Variants in OXCT1 observed in about 807,000 individuals in gnomAD.
The protein encoded by OXCT1 is succinyl-CoA:3-ketoacid coenzyme A transferase 1, mitochondrial.
A neutral mutation model predicts 69.6 loss-of-function variants in OXCT1; 27 were observed. The observed-to-expected ratio is 0.39, with a 90% CI of 0.29 to 0.54. OXCT1 has a LOEUF of 0.54. Ranked by LOEUF, OXCT1 falls within the 20% of genes least tolerant of loss-of-function variation. The pLI is 0.72. For missense variants in OXCT1, 437 were observed against 650.2 expected, an observed-to-expected ratio of 0.67 and a Z score of 3.57; for synonymous variants, 202 against 217.8, an observed-to-expected ratio of 0.93 and a Z score of 0.64.
intron 8 of OXCT1, among the ~76,000 whole-genome samples, chr5:41,806,394 G>A (rs528901455): frequency 6.6e-6 from 1 of 152,000 alleles, no homozygotes; most frequent in Non-Finnish European, 1.5e-5. Flanking sequence ...TTCTGGTAGG[G>A]TGGCCATTGT....
intron 14 of OXCT1, among the ~76,000 whole-genome samples, chr5:41,757,922 T>C (rs1343257185): frequency 2.6e-5 from 4 of 152,110 alleles, no homozygotes; most frequent in Non-Finnish European, 5.9e-5. Context: ...GTGTTGACTA[T>C]GTTTACAGAT....
At chr5:41,837,184 G>T (rs1748405975) in intron 7 of OXCT1, among the ~76,000 whole-genome samples, 1 of 151,934 alleles carries the variant, frequency 6.6e-6, no homozygotes, top group South Asian at 2.1e-4. Context: ...GAGAAGAAAG[G>T]TTGAGAAGAT....
intron 14 of OXCT1, among the ~76,000 whole-genome samples, chr5:41,755,651 T>A (rs1744033679): frequency 6.6e-6 from 1 of 152,136 alleles, no homozygotes; most frequent in Non-Finnish European, 1.5e-5. Flanking sequence ...AAACTCCATT[T>A]ACCTTTTATA....
chr5:41,801,383 T>C (rs1051170300), intron 10 of OXCT1, among the ~76,000 whole-genome samples: 2 of 152,140 alleles, frequency 1.3e-5, no homozygotes, highest in African/African-American at 2.4e-5. Context: ...TGAAAATGTA[T>C]TAGAAATATA....
chr5:41,806,446 A>T lies in OXCT1; in HGVS notation c.841-765T>A, dbSNP rs143322585. On this transcript the variant is annotated intron_variant, in intron 8 of 16. Coordinates refer to ENST00000196371, the MANE Select transcript of OXCT1 (RefSeq NM_000436.4). ...ATGATTTAGATATGTGTCCCCTCCAAATCTCAGGTTGAAATGTACTTTCCA... is the reference window on the plus strand; with the variant it reads ...ATGATTTAGATATGTGTCCCCTCCATATCTCAGGTTGAAATGTACTTTCCA... Among the ~76,000 whole-genome samples the T allele has an allele frequency of 5.5e-3, 837 of 152,056 alleles. 8 individuals carry two copies. The highest frequency in any genetic ancestry group is 0.019 in the South Asian group (94 of 4,828).
chr5:41,841,219 C>G (rs1373860014), intron 6 of OXCT1, among the ~76,000 whole-genome samples: 1 of 152,124 alleles, frequency 6.6e-6, no homozygotes, highest in East Asian at 1.9e-4. Flanking sequence ...ACGTTGATGG[C>G]AGAATTTCTT....
At chr5:41,756,138 A>G (rs1007190858) in intron 14 of OXCT1, among the ~76,000 whole-genome samples, 2 of 152,110 alleles carry the variant, frequency 1.3e-5, no homozygotes, top group African/African-American at 2.4e-5. Flanking sequence ...TTCAGAATCC[A>G]GACCTCCTAT....
At chr5:41,826,498 C>A (rs1747813308) in intron 7 of OXCT1, among the ~76,000 whole-genome samples, 1 of 152,122 alleles carries the variant, frequency 6.6e-6, no homozygotes, top group Non-Finnish European at 1.5e-5. Context: ...CACTGGAATG[C>A]TCTATCCCAC....
chr5:41,834,697 A>T (rs1327099426), intron 7 of OXCT1, among the ~76,000 whole-genome samples: 1 of 152,184 alleles, frequency 6.6e-6, no homozygotes, highest in Non-Finnish European at 1.5e-5. Flanking sequence ...ATTAGAGCTA[A>T]AGAGAGACAG....
In OXCT1 at chr5:41,861,339, G is replaced by GT; in HGVS notation, c.252dup (p.Leu85ThrfsTer11). The GT allele has an allele frequency of 6.2e-7, 1 of 1,610,174 alleles. No individual in the cohort carries two copies. Among genetic ancestry groups the GT allele is most frequent in the South Asian group, 1.1e-5 (1 of 91,026 alleles). ...CCTGCATTGTTGCTGACTGCAGTTAGTCCTTTTACTCCAGTTTTCAGTAAA... is the reference window on the plus strand; with the variant it reads ...CCTGCATTGTTGCTGACTGCAGTTAGTTCCTTTTACTCCAGTTTTCAGTAAA... On this transcript the variant is annotated frameshift_variant, in exon 3 of 17. Transcript: ENST00000196371. LOFTEE classifies it high-confidence loss of function.
chr5:41,812,410 A>G (rs1747027962), intron 7 of OXCT1, among the ~76,000 whole-genome samples: 1 of 152,076 alleles, frequency 6.6e-6, no homozygotes, highest in South Asian at 2.1e-4. Context: ...TTGATGAGGA[A>G]GAGAATTGCA....
intron 15 of OXCT1, among the ~76,000 whole-genome samples, chr5:41,740,416 C>CA (rs1257482255): frequency 2.0e-5 from 3 of 152,088 alleles, no homozygotes; most frequent in African/African-American, 7.2e-5. Flanking sequence ...CTATGCAAAT[C>CA]AAATGAAGAT....
chr5:41,749,372 A>G (rs976579445), intron 15 of OXCT1, among the ~76,000 whole-genome samples, 155 bp downstream of exon 15: 2 of 152,054 alleles, frequency 1.3e-5, no homozygotes, highest in Admixed American at 6.6e-5. Context: ...AGAATTCTAC[A>G]TTTAGAAACA....
chr5:41,738,874 A>G (rs2111992269), intron 16 of OXCT1, among the ~76,000 whole-genome samples: 1 of 152,364 alleles, frequency 6.6e-6, no homozygotes. Flanking sequence ...TTATCTTCAA[A>G]TACAGGGCAT....
intron 6 of OXCT1, among the ~76,000 whole-genome samples, chr5:41,841,524 T>C (rs1748626289): frequency 6.6e-6 from 1 of 152,162 alleles, no homozygotes; most frequent in Non-Finnish European, 1.5e-5. Flanking sequence ...CACTTGACCA[T>C]TGGTGATGCA....
At chr5:41,769,734 AT>A (rs1744793037) in intron 13 of OXCT1, among the ~76,000 whole-genome samples, 1 of 151,974 alleles carries the variant, frequency 6.6e-6, no homozygotes, top group Non-Finnish European at 1.5e-5. Flanking sequence ...TAAAAAAAAA[AT>A]CACCTATCAC....
At chr5:41,828,721 G>A (rs1190079307) in intron 7 of OXCT1, among the ~76,000 whole-genome samples, 1 of 152,062 alleles carries the variant, frequency 6.6e-6, no homozygotes, top group African/African-American at 2.4e-5. Context: ...TCTATTCATT[G>A]TCTTCAAATC....
chr5:41,829,699 CAA>C (rs1186785815), intron 7 of OXCT1, among the ~76,000 whole-genome samples: 1 of 152,102 alleles, frequency 6.6e-6, no homozygotes, highest in Non-Finnish European at 1.5e-5. Flanking sequence ...TGTTAATATA[CAA>C]GTGTATGTAA....
At chr5:41,840,702 T>C (rs557157827) in intron 6 of OXCT1, among the ~76,000 whole-genome samples, 191 bp from the exon 7 acceptor site, 1 of 152,324 alleles carries the variant, frequency 6.6e-6, no homozygotes, top group African/African-American at 2.4e-5. Flanking sequence ...CCATAACTAC[T>C]TTATTCAATG....
Sources: gnomAD v4.1 joint callset for allele counts (sites outside exome capture counted in the v4.1 genomes callset) on GRCh38, gnomAD v4.1.1 for gene constraint, MANE v1.5 for transcripts, NCBI Gene and HGNC (gene_info 2026-07-23, HGNC 2026-07-21) for gene names.